GPR39: variants seen among roughly 807,000 people sequenced by gnomAD.
GPR39 encodes the protein zinc sensing receptor.
Under a neutral mutation model 18.4 loss-of-function variants are expected in GPR39, and 23 were observed. That is an observed-to-expected ratio of 1.25 (90% CI 0.90 to 1.77). The LOEUF (loss-of-function observed/expected upper bound fraction) is 1.77, where lower values mean the gene tolerates loss of function less well. Ranked by LOEUF, GPR39 falls within the 40% of genes most tolerant of loss-of-function variation. GPR39 has a pLI of 0.00. For synonymous variants in GPR39, 280 were observed against 257.9 expected (o/e 1.09, Z -0.82); for missense variants, 647 against 602.4 (o/e 1.07, Z -0.78).
intron 1 of GPR39, among the ~76,000 whole-genome samples, chr2:132,477,056 A>G (rs1558809856): frequency 6.6e-6 from 1 of 152,166 alleles, no homozygotes. Context: ...CTCTGACACT[A>G]ACCATCCATG....
chr2:132,474,441 T>C (rs746010382), intron 1 of GPR39, among the ~76,000 whole-genome samples: 1 of 152,152 alleles, frequency 6.6e-6, no homozygotes, highest in Non-Finnish European at 1.5e-5. Flanking sequence ...TAATATATGC[T>C]TTGGATATGG....
intron 1 of GPR39, among the ~76,000 whole-genome samples, chr2:132,557,103 G>T (rs1680167279): frequency 6.6e-6 from 1 of 152,066 alleles, no homozygotes; most frequent in African/African-American, 2.4e-5. Context: ...CAGATCACTT[G>T]AGGTCAAGAG....
intron 1 of GPR39, among the ~76,000 whole-genome samples, chr2:132,572,969 G>A (rs11884045): frequency 0.11 from 16,495 of 152,156 alleles, 2,873 homozygotes; most frequent in African/African-American, 0.37. Flanking sequence ...GAGGATGTGG[G>A]TTTTATTACC....
At chr2:132,429,751 C>T (rs1244224519) in intron 1 of GPR39, among the ~76,000 whole-genome samples, 2 of 152,198 alleles carry the variant, frequency 1.3e-5, no homozygotes, top group African/African-American at 4.8e-5. Context: ...GATGGGATAA[C>T]CTTATGTGAT....
At chr2:132,580,420 A>G (rs1167171228) in intron 1 of GPR39, among the ~76,000 whole-genome samples, 5 of 152,238 alleles carry the variant, frequency 3.3e-5, no homozygotes, top group Non-Finnish European at 7.3e-5. Context: ...GGTGGCTGAG[A>G]GTAGTCAGTT....
intron 1 of GPR39, among the ~76,000 whole-genome samples, chr2:132,628,340 C>A (rs1001609451): frequency 7.9e-5 from 12 of 152,174 alleles, no homozygotes; most frequent in African/African-American, 2.2e-4. Flanking sequence ...CATCCTCTCC[C>A]AGACTCAGCT....
At chr2:132,616,041 C>T (rs1367022050) in intron 1 of GPR39, among the ~76,000 whole-genome samples, 4 of 151,970 alleles carry the variant, frequency 2.6e-5, no homozygotes, top group Admixed American at 2.6e-4. Context: ...GCCTCCCTCC[C>T]TCCTGCAAAC....
At chr2:132,642,720 G>A (rs769549535) in intron 1 of GPR39, among the ~76,000 whole-genome samples, 1 of 152,202 alleles carries the variant, frequency 6.6e-6, no homozygotes, top group Non-Finnish European at 1.5e-5. Flanking sequence ...AGTACAAGGT[G>A]TTTCTAATTG....
At chr2:132,547,811 G>C (rs375795232) in intron 1 of GPR39, among the ~76,000 whole-genome samples, 1 of 152,306 alleles carries the variant, frequency 6.6e-6, no homozygotes, top group African/African-American at 2.4e-5. Flanking sequence ...AGAAGTATCA[G>C]ATTTTCCTGA....
chr2:132,613,494 C>T (rs1009824207), intron 1 of GPR39, among the ~76,000 whole-genome samples: 3 of 152,160 alleles, frequency 2.0e-5, no homozygotes, highest in African/African-American at 7.2e-5. Context: ...AGTGGGAATT[C>T]TTTGTTATCC....
chr2:132,589,530 C>G (rs1320763086), intron 1 of GPR39, among the ~76,000 whole-genome samples: 1 of 152,160 alleles, frequency 6.6e-6, no homozygotes, highest in African/African-American at 2.4e-5. Context: ...AGTTCCAGCT[C>G]AGATGTCTTA....
At chr2:132,622,880 G>A (rs1194662937) in intron 1 of GPR39, among the ~76,000 whole-genome samples, 3 of 152,152 alleles carry the variant, frequency 2.0e-5, no homozygotes, top group Non-Finnish European at 2.9e-5. Flanking sequence ...TTTGCAGACC[G>A]AGGTGGGAGG....
intron 1 of GPR39, among the ~76,000 whole-genome samples, chr2:132,449,152 G>A (rs1432141952): frequency 1.3e-5 from 2 of 152,354 alleles, no homozygotes; most frequent in South Asian, 2.1e-4. Flanking sequence ...TTGCCACACG[G>A]CAAGGTTTCT....
intron 1 of GPR39, among the ~76,000 whole-genome samples, chr2:132,466,892 A>G (rs2104780406): frequency 6.6e-6 from 1 of 152,304 alleles, no homozygotes. Context: ...TTCAGTATGC[A>G]GGAGCTCTCC....
chr2:132,644,083 T>A (rs879345552), intron 1 of GPR39, among the ~76,000 whole-genome samples: 2 of 152,250 alleles, frequency 1.3e-5, no homozygotes, highest in Non-Finnish European at 2.9e-5. Context: ...GATCCCCTGA[T>A]CTTCCTTTGT....
intron 1 of GPR39, among the ~76,000 whole-genome samples, chr2:132,484,193 G>A (rs935962528): frequency 6.6e-6 from 1 of 152,310 alleles, no homozygotes; most frequent in Admixed American, 6.5e-5. Context: ...CTGGCACCAA[G>A]GGCCAGTGTT....
chr2:132,644,103 C>T (rs1681932108), intron 1 of GPR39, among the ~76,000 whole-genome samples: 1 of 152,110 alleles, frequency 6.6e-6, no homozygotes, highest in Admixed American at 6.5e-5. Flanking sequence ...TTCTTTTTTG[C>T]TTTTGTCACT....
At chr2:132,605,382 G>C (rs1159532449) in intron 1 of GPR39, among the ~76,000 whole-genome samples, 1 of 152,200 alleles carries the variant, frequency 6.6e-6, no homozygotes, top group Non-Finnish European at 1.5e-5. Context: ...AGGATGTGGA[G>C]TGAGCCATTC....
chr2:132,482,498 G>C (rs1681253624), intron 1 of GPR39, among the ~76,000 whole-genome samples: 1 of 152,080 alleles, frequency 6.6e-6, no homozygotes, highest in East Asian at 1.9e-4. Flanking sequence ...GTGGCTACTG[G>C]GGGCATCACT....
Sources: allele counts gnomAD v4.1 joint callset (sites outside exome capture counted in the v4.1 genomes callset), GRCh38; gene constraint gnomAD v4.1.1; transcripts MANE v1.5; gene names NCBI Gene and HGNC (gene_info 2026-07-23, HGNC 2026-07-21).